The following KALRN variants were observed in gnomAD, a reference collection of about 807,000 sequenced individuals.
The protein encoded by KALRN is kalirin RhoGEF kinase, also known as kalirin.
Under a neutral mutation model 353.7 loss-of-function variants are expected in KALRN, and 70 were observed. The observed-to-expected ratio is 0.20, with a 90% CI of 0.16 to 0.24. The LOEUF is 0.24. Among genes scored for constraint, KALRN ranks in the 10% least tolerant of loss-of-function variants. The pLI, the probability that KALRN is intolerant of heterozygous loss-of-function variation, is 1.00. For synonymous variants in KALRN, 1,391 were observed against 1,434.8 expected, an observed-to-expected ratio of 0.97 and a Z score of 0.69; for missense variants, 2,791 against 3,756.7, an observed-to-expected ratio of 0.74 and a Z score of 6.72.
At chr3:124,444,249 C>T (rs1487964303) in intron 19 of KALRN, among the ~76,000 whole-genome samples, 5 of 152,182 alleles carry the variant, frequency 3.3e-5, no homozygotes, top group African/African-American at 1.2e-4. Context: ...ATTCTGGGAC[C>T]TGGGTCGAAG....
At chr3:124,269,403 T>C in intron 5 of KALRN, 148 bp downstream of exon 5, 1 of 796,322 alleles carries the variant, frequency 1.3e-6, no homozygotes. Flanking sequence ...TTTTTTAAGC[T>C]CACCCTTATA....
intron 34 of KALRN, among the ~76,000 whole-genome samples, chr3:124,605,266 G>T (rs1343307041): frequency 2.0e-5 from 3 of 151,538 alleles, no homozygotes; most frequent in Non-Finnish European, 4.4e-5. Context: ...TCTGTGTGTG[G>T]TTATAGAGAT....
At chr3:124,356,122 A>G (rs1486059746) in intron 10 of KALRN, among the ~76,000 whole-genome samples, 1 of 151,514 alleles carries the variant, frequency 6.6e-6, no homozygotes, top group Non-Finnish European at 1.5e-5. Flanking sequence ...CAAGTTCTTG[A>G]TAGAGGAGTT....
intron 29 of KALRN, among the ~76,000 whole-genome samples, chr3:124,489,726 G>C (rs189050940): frequency 3.4e-4 from 52 of 152,266 alleles, no homozygotes; most frequent in Non-Finnish European, 6.3e-4. Context: ...CTGTTTACCA[G>C]CAGCAGCAAC....
intron 52 of KALRN, 30 bp from the exon 53 acceptor site, chr3:124,694,302 T>C (rs2061957673): frequency 6.2e-7 from 1 of 1,602,158 alleles, no homozygotes; most frequent in Non-Finnish European, 8.5e-7. Flanking sequence ...TTGCTCTGAA[T>C]GATGTTAATG....
chr3:124,116,875 C>A (rs541961646), intron 1 of KALRN, among the ~76,000 whole-genome samples: 1 of 152,162 alleles, frequency 6.6e-6, no homozygotes, highest in Non-Finnish European at 1.5e-5. Flanking sequence ...AATAAAACCA[C>A]GCATAAGGAG....
At chr3:124,097,712 A>G (rs1286786785) in intron 1 of KALRN, among the ~76,000 whole-genome samples, 1 of 152,234 alleles carries the variant, frequency 6.6e-6, no homozygotes, top group African/African-American at 2.4e-5. Flanking sequence ...TGTCTCCCCT[A>G]TCACTGTTCA....
chr3:124,492,394 C>A (rs2063262928), intron 31 of KALRN, among the ~76,000 whole-genome samples: 1 of 152,186 alleles, frequency 6.6e-6, no homozygotes, highest in Admixed American at 6.5e-5. Flanking sequence ...TCCCCAGGAT[C>A]TAGCAACCCA....
chr3:124,237,597 A>G (rs1305351265), intron 3 of KALRN, among the ~76,000 whole-genome samples: 4 of 152,114 alleles, frequency 2.6e-5, no homozygotes, highest in African/African-American at 9.7e-5. Context: ...TCCTGACCTC[A>G]AGTGATACAC....
intron 34 of KALRN, chr3:124,584,787 C>T: frequency 1.3e-6 from 2 of 1,579,742 alleles, no homozygotes; most frequent in Non-Finnish European, 1.7e-6. Flanking sequence ...GCTGGCGCCC[C>T]GTGCCATGCG....
chr3:124,682,587 C>T (rs369894670), intron 51 of KALRN, among the ~76,000 whole-genome samples: 49 of 151,764 alleles, frequency 3.2e-4, no homozygotes, highest in African/African-American at 1.2e-3. Flanking sequence ...ACATTCTTTA[C>T]TTTTTCTCAA....
intron 33 of KALRN, among the ~76,000 whole-genome samples, chr3:124,549,371 TCACA>T (rs1303113449): frequency 4.9e-5 from 7 of 143,360 alleles, no homozygotes; most frequent in Admixed American, 1.4e-4. Context: ...ACACATAATC[TCACA>T]CACACACAAT....
chr3:124,239,453 A>T (rs897117417), intron 3 of KALRN, among the ~76,000 whole-genome samples: 6 of 152,172 alleles, frequency 3.9e-5, no homozygotes, highest in African/African-American at 1.4e-4. Context: ...TCTGACACTT[A>T]ATCTGCTCTT....
intron 1 of KALRN, among the ~76,000 whole-genome samples, chr3:124,192,468 C>T (rs1314022355): frequency 6.6e-6 from 1 of 152,010 alleles, no homozygotes; most frequent in Non-Finnish European, 1.5e-5. Context: ...TTTGATAGTA[C>T]AATGGGGTGA....
intron 34 of KALRN, among the ~76,000 whole-genome samples, chr3:124,608,033 G>A (rs1429046443): frequency 6.9e-6 from 1 of 145,810 alleles, no homozygotes; most frequent in African/African-American, 2.5e-5. Context: ...TTTTAGGACA[G>A]GGTCTCATTC....
At chr3:124,397,306 A>G (rs1319809961) in intron 12 of KALRN, among the ~76,000 whole-genome samples, 1 of 152,204 alleles carries the variant, frequency 6.6e-6, no homozygotes, top group Non-Finnish European at 1.5e-5. Flanking sequence ...CACAACAAAC[A>G]GGCCAGGGTG....
rs141327589 is a variant in KALRN at position 124,674,474 on chromosome 3, C to T, written c.7053C>T (p.Leu2351=). ...CVSQGEVVQV[L]AVNQQNMCLV... Reference sequence around the variant, plus strand: ...GCCAAGGTGAGGTGGTCCAGGTCCTCGCCGTCAACCAGCAGAACATGTGTC... The same window carrying T: ...GCCAAGGTGAGGTGGTCCAGGTCCTTGCCGTCAACCAGCAGAACATGTGTC... Residue 2351 remains leucine (L), a synonymous_variant, in exon 49 of 60, where the codon CTC becomes CTT. Coordinates refer to ENST00000682506, the MANE Select transcript of KALRN (RefSeq NM_001388419.1). 5.3e-5 allele frequency: 85 copies of T among 1,614,048 alleles called. No individual in the cohort carries two copies. In the African/African-American group the frequency reaches 8.9e-4, roughly 17 times the overall value.
chr3:124,479,937 A>T (rs2061816420), intron 27 of KALRN, among the ~76,000 whole-genome samples: 1 of 151,726 alleles, frequency 6.6e-6, no homozygotes, highest in Non-Finnish European at 1.5e-5. Flanking sequence ...GTTAGCCAGG[A>T]TGGTCTCGAT....
At chr3:124,573,857 A>G (rs2073814302) in intron 34 of KALRN, among the ~76,000 whole-genome samples, 1 of 152,200 alleles carries the variant, frequency 6.6e-6, no homozygotes, top group South Asian at 2.1e-4. Context: ...GAGGATTGAG[A>G]TAATATTTGA....
Sources: allele counts gnomAD v4.1 joint callset (sites outside exome capture counted in the v4.1 genomes callset), GRCh38; gene constraint gnomAD v4.1.1; transcripts MANE v1.5; gene names NCBI Gene and HGNC (gene_info 2026-07-23, HGNC 2026-07-21).